The following AGBL4 variants were observed in gnomAD, a reference collection of about 807,000 sequenced individuals.
AGBL4 encodes cytosolic carboxypeptidase 6.
In AGBL4, 58 loss-of-function variants were observed where a neutral mutation model predicts 66.4. The ratio of observed to expected loss-of-function variants is 0.87; its 90% CI spans 0.71 to 1.09. The LOEUF (loss-of-function observed/expected upper bound fraction) is 1.09, where lower values mean the gene tolerates loss of function less well. Among genes scored for constraint, AGBL4 ranks in the 50% least tolerant of loss-of-function variants. The pLI is 0.00. For missense variants in AGBL4, 579 were observed against 631.0 expected (o/e 0.92, Z 0.88); for synonymous variants, 234 against 222.9 (o/e 1.05, Z -0.44).
intron 4 of AGBL4, among the ~76,000 whole-genome samples, chr1:49,161,581 G>A (rs187642946): frequency 6.6e-6 from 1 of 152,268 alleles, no homozygotes; most frequent in East Asian, 1.9e-4. Context: ...AGGTTTGGAC[G>A]ATTAGCACCT....
intron 6 of AGBL4, among the ~76,000 whole-genome samples, chr1:48,846,192 T>C (rs928336003): frequency 6.6e-6 from 1 of 152,014 alleles, no homozygotes; most frequent in African/African-American, 2.4e-5. Context: ...CACCCATAAG[T>C]ATAGGAAGGT....
At chr1:49,541,761 A>G (rs1358535926) in intron 3 of AGBL4, among the ~76,000 whole-genome samples, 1 of 152,214 alleles carries the variant, frequency 6.6e-6, no homozygotes. Context: ...AGGATCCACT[A>G]GGTGAAGCCA....
In AGBL4 at chr1:48,840,283, C is replaced by CT. The variant is rs1288529200; in HGVS notation, c.634+26907_634+26908insA. ...GTATAAGACTCCCAAGGCAGAGATA[C>CT]CTCTGTGTGCCCGGTGCCTGACACA... On this transcript the variant is annotated intron_variant, in intron 6 of 13. Coordinates refer to ENST00000371839, the MANE Select transcript of AGBL4 (RefSeq NM_032785.4). Among the ~76,000 whole-genome samples, 13 of 152,218 alleles carry CT rather than the reference C, an allele frequency of 8.5e-5. No individual in the cohort carries two copies. The Middle Eastern group carries it at 0.01, about 119-fold the overall frequency.
intron 3 of AGBL4, among the ~76,000 whole-genome samples, chr1:49,397,225 A>T (rs922246296): frequency 6.6e-6 from 1 of 151,768 alleles, no homozygotes; most frequent in African/African-American, 2.4e-5. Flanking sequence ...ACAATATAGA[A>T]TGGCTTCTGT....
At chr1:49,917,109 C>G (rs1020369392) in intron 1 of AGBL4, among the ~76,000 whole-genome samples, 1 of 152,112 alleles carries the variant, frequency 6.6e-6, no homozygotes, top group Non-Finnish European at 1.5e-5. Context: ...AAGGAACAAC[C>G]GGTACCAGCC....
intron 3 of AGBL4, among the ~76,000 whole-genome samples, chr1:49,565,942 T>G (rs1258355825): frequency 1.3e-5 from 2 of 152,158 alleles, no homozygotes; most frequent in South Asian, 2.1e-4. Context: ...GTACACCAAT[T>G]AGATGTAGAT....
chr1:48,554,568 C>T (rs1380374518), intron 11 of AGBL4, among the ~76,000 whole-genome samples: 1 of 152,086 alleles, frequency 6.6e-6, no homozygotes, highest in Non-Finnish European at 1.5e-5. Flanking sequence ...AACTTAAATC[C>T]CAATCTTTAG....
chr1:49,936,966 C>T (rs974184675), intron 1 of AGBL4, among the ~76,000 whole-genome samples: 1 of 152,174 alleles, frequency 6.6e-6, no homozygotes, highest in Non-Finnish European at 1.5e-5. Flanking sequence ...ATCATCATGA[C>T]AGGATCAAAT....
chr1:49,202,335 A>C (rs1281213315), intron 4 of AGBL4, among the ~76,000 whole-genome samples: 1 of 152,198 alleles, frequency 6.6e-6, no homozygotes, highest in Non-Finnish European at 1.5e-5. Flanking sequence ...CTTGAAAAAG[A>C]GGAGCAAAGC....
chr1:49,483,240 G>T (rs932591878), intron 3 of AGBL4, among the ~76,000 whole-genome samples: 6 of 151,918 alleles, frequency 3.9e-5, no homozygotes, highest in Admixed American at 3.3e-4. Context: ...TATTGTGCAG[G>T]GGTCTAAATC....
intron 2 of AGBL4, among the ~76,000 whole-genome samples, chr1:49,738,164 C>G (rs971405468): frequency 6.6e-6 from 1 of 152,234 alleles, no homozygotes; most frequent in Non-Finnish European, 1.5e-5. Context: ...TAGCCAAGGA[C>G]AGCGGTGACT....
At chr1:49,762,793 CCTT>C (rs2147865521) in intron 2 of AGBL4, among the ~76,000 whole-genome samples, 1 of 152,182 alleles carries the variant, frequency 6.6e-6, no homozygotes, top group South Asian at 2.1e-4. Flanking sequence ...TTTATTAAAT[CCTT>C]CTCCCATGCA....
intron 4 of AGBL4, among the ~76,000 whole-genome samples, chr1:49,106,433 G>GAGAAGCAGTGTGGAAGATACTGCTTT (rs1553154316): frequency 1.3e-5 from 2 of 152,156 alleles, no homozygotes; most frequent in Non-Finnish European, 2.9e-5. Context: ...TTTGTCCTAA[G>GAGAAGCAGTGTGGAAGATACTGCTTT]AGAAGCAGTG....
At chr1:49,433,120 G>A (rs901625443) in intron 3 of AGBL4, among the ~76,000 whole-genome samples, 17 of 152,204 alleles carry the variant, frequency 1.1e-4, no homozygotes, top group African/African-American at 3.9e-4. Context: ...CTTGCCCTAT[G>A]CATCTCTTTT....
intron 5 of AGBL4, among the ~76,000 whole-genome samples, chr1:48,986,015 T>G (rs373737892): frequency 7.9e-5 from 12 of 152,066 alleles, no homozygotes; most frequent in African/African-American, 2.9e-4. Flanking sequence ...GAGATTACAG[T>G]GTACATTGGA....
intron 2 of AGBL4, among the ~76,000 whole-genome samples, chr1:49,714,471 G>C (rs1647922020): frequency 6.6e-6 from 1 of 151,324 alleles, no homozygotes; most frequent in Non-Finnish European, 1.5e-5. Flanking sequence ...TTGACTTTAT[G>C]TTTCTGAGTT....
intron 1 of AGBL4, among the ~76,000 whole-genome samples, chr1:50,001,008 A>AAAAAT (rs1396481719): frequency 6.6e-6 from 1 of 151,994 alleles, no homozygotes; most frequent in Non-Finnish European, 1.5e-5. Flanking sequence ...CCACGACTAA[A>AAAAAT]AAAAATAAAA....
intron 3 of AGBL4, among the ~76,000 whole-genome samples, chr1:49,694,372 T>C (rs1646945103): frequency 6.6e-6 from 1 of 152,180 alleles, no homozygotes; most frequent in Non-Finnish European, 1.5e-5. Context: ...TATTGTATCT[T>C]TCCTGCAGAT....
At chr1:49,654,567 T>C (rs1646079054) in intron 3 of AGBL4, among the ~76,000 whole-genome samples, 1 of 152,204 alleles carries the variant, frequency 6.6e-6, no homozygotes. Context: ...TAAGTCTCTT[T>C]GTAGGTCTCT....
Sources: allele counts gnomAD v4.1 joint callset (sites outside exome capture counted in the v4.1 genomes callset), GRCh38; gene constraint gnomAD v4.1.1; transcripts MANE v1.5; gene names NCBI Gene and HGNC (gene_info 2026-07-23, HGNC 2026-07-21).